The following GRM4 variants were observed in gnomAD, a reference collection of about 807,000 sequenced individuals.
The protein encoded by GRM4 is metabotropic glutamate receptor 4.
Under a neutral mutation model 81.7 loss-of-function variants are expected in GRM4, and 28 were observed. That is an observed-to-expected ratio of 0.34 (90% CI 0.25 to 0.47). The LOEUF (loss-of-function observed/expected upper bound fraction) is 0.47, where lower values mean the gene tolerates loss of function less well. Among genes scored for constraint, GRM4 ranks in the 20% least tolerant of loss-of-function variants. GRM4 has a pLI of 1.00. For synonymous variants in GRM4, 488 were observed against 528.8 expected (o/e 0.92, Z 1.06); for missense variants, 948 against 1,290.0 (o/e 0.73, Z 4.06).
At chr6:34,137,797 G>A (rs956846287) in intron 1 of GRM4, among the ~76,000 whole-genome samples, 38 of 129,572 alleles carry the variant, frequency 2.9e-4, no homozygotes, top group South Asian at 4.7e-4. Flanking sequence ...TCACTATGTC[G>A]CTTGCCCAGG....
In GRM4 at chr6:34,136,563, G is replaced by GGCGCGGACACACACAC. The variant is rs1554134962; in HGVS notation, c.-363-2705_-363-2704insGTGTGTGTGTCCGCGC. 1.4e-5 allele frequency among the ~76,000 whole-genome samples: 2 copies of GGCGCGGACACACACAC among 142,430 alleles called. No homozygotes were observed. Among genetic ancestry groups the GGCGCGGACACACACAC allele is most frequent in the Non-Finnish European group, 3.0e-5 (2 of 66,278 alleles). The allele number at this position is 142,430 out of a possible 152,430, so 93.4% of individuals were successfully genotyped here. A position where few individuals can be genotyped will look rare whatever the true frequency, so the allele number is the denominator to read the frequency against. On this transcript the variant is annotated intron_variant, in intron 1 of 10. Transcript: ENST00000538487. This position sits in a 1 kb window ranked among gnomAD's most constrained non-coding sequence, Gnocchi z 4.1. ...GCTGAGCAGTGCATGCGCGCGTGCG[G>GGCGCGGACACACACAC]ACACACACACACACACACACACACA...
At position 34,059,114 on chromosome 6, in the gene GRM4, G is replaced by T; in HGVS notation, c.887C>A (p.Ala296Glu). The change falls in exon 5 of 11, where the codon GCA (alanine) becomes GAA (glutamate). Residue 296 changes from alanine (A) to glutamate (E), a missense_variant. Physicochemically the swap from Ala to Glu is moderately radical, Grantham distance 107. Transcript: ENST00000538487. This position sits in a 1 kb window ranked among gnomAD's most constrained non-coding sequence, Gnocchi z 5.7. ...GCCTGTCTGGTTGGCCCTTCGTGCT[G>T]CCTCCAGCACACGCCTGTAGGAACA... is the stretch of plus-strand genomic sequence containing the variant. ...NEDDIRRVLEAARRANQTGHF... is the reference protein window; with the variant it reads ...NEDDIRRVLEEARRANQTGHF... 1 of 1,613,370 alleles carries T rather than the reference G, an allele frequency of 6.2e-7. No individual in the cohort carries two copies. Among genetic ancestry groups the T allele is most frequent in the Non-Finnish European group, 8.5e-7 (1 of 1,179,942 alleles).
upstream of GRM4, chr6:34,146,254 G>A (rs1449514272): frequency 1.8e-6 from 1 of 547,394 alleles, no homozygotes; most frequent in Non-Finnish European, 2.3e-6. Flanking sequence ...GCCCAGTGAG[G>A]TGACTCCACT....
chr6:34,102,760 CA>C (rs1768907225), intron 2 of GRM4, among the ~76,000 whole-genome samples: 1 of 152,240 alleles, frequency 6.6e-6, no homozygotes, highest in African/African-American at 2.4e-5. Context: ...ATTCATTGAA[CA>C]AAGGGGACAC....
intron 2 of GRM4, among the ~76,000 whole-genome samples, chr6:34,104,013 A>T (rs9469714): frequency 0.22 from 33,686 of 152,216 alleles, 4,494 homozygotes; most frequent in Admixed American, 0.3. Flanking sequence ...GCCCCGAGGT[A>T]GGAAGCCAGA....
chr6:34,135,546 C>T (rs1770423080), intron 1 of GRM4, among the ~76,000 whole-genome samples: 1 of 152,264 alleles, frequency 6.6e-6, no homozygotes, highest in South Asian at 2.1e-4. Context: ...TTTCATAATA[C>T]CACCCTCTCC....
At position 34,090,590 on chromosome 6, in the gene GRM4, T is replaced by C. The variant is rs1055747613; in HGVS notation, c.736+1293A>G. On this transcript the variant is annotated intron_variant, in intron 3 of 10. Coordinates refer to ENST00000538487, the MANE Select transcript of GRM4 (RefSeq NM_000841.4). This position sits in a 1 kb window ranked among gnomAD's most constrained non-coding sequence, Gnocchi z 5.2. ...CTTTTGCTCTGCCAGGCTGCAGAAG[T>C]GGGGAGTAGCCTGGAGCCTCAGCCA... Among the ~76,000 whole-genome samples the C allele has an allele frequency of 1.3e-5, 2 of 151,992 alleles. No individual in the cohort carries two copies. Among genetic ancestry groups the C allele is most frequent in the African/African-American group, 4.8e-5 (2 of 41,358 alleles).
chr6:34,048,945 G>A lies in GRM4; in HGVS notation c.1168+7599C>T, dbSNP rs975883606. 6.6e-6 allele frequency among the ~76,000 whole-genome samples: 1 copy of A among 152,092 alleles called. No homozygotes were observed. The highest frequency in any genetic ancestry group is 1.5e-5 in the Non-Finnish European group (1 of 68,010). On this transcript the variant is annotated intron_variant, in intron 6 of 10. Transcript: ENST00000538487. The surrounding 1 kb of genome is among the most constrained non-coding windows in gnomAD (Gnocchi z 4.0). ...GTCTTCATAAATTACCCAGTCTAAG[G>A]TAGTTCTTTATAGCAGCGTGAGAAC...
At chr6:34,053,679 C>G (rs999808159) in intron 6 of GRM4, among the ~76,000 whole-genome samples, 1 of 152,246 alleles carries the variant, frequency 6.6e-6, no homozygotes. Flanking sequence ...CCCTCCAAGC[C>G]AGAGGCTCGC....
chr6:34,110,186 C>G (rs1193861858), intron 2 of GRM4, among the ~76,000 whole-genome samples: 2 of 151,664 alleles, frequency 1.3e-5, no homozygotes, highest in Non-Finnish European at 2.9e-5. Context: ...TCCAGCTACT[C>G]GGGAAGCTGA....
At chr6:34,073,544 G>A (rs1458252657) in intron 3 of GRM4, among the ~76,000 whole-genome samples, 3 of 151,814 alleles carry the variant, frequency 2.0e-5, no homozygotes, top group South Asian at 2.1e-4. Context: ...ACCACACACA[G>A]ACACAGGTAA....
chr6:34,055,299 C>A (rs1195530035), intron 6 of GRM4: 2 of 152,208 alleles, frequency 1.3e-5, no homozygotes, highest in Non-Finnish European at 2.9e-5. Context: ...CAGGTGTATA[C>A]ACAAACACTG....
rs112945445 is a variant in GRM4, at chr6:34,069,975, G to A, written c.737-7947C>T. Among the ~76,000 whole-genome samples the A allele has an allele frequency of 0.017, 2,649 of 152,294 alleles. 65 individuals carry two copies. Among genetic ancestry groups the A allele is most frequent in the East Asian group, 0.079 (411 of 5,176 alleles). The stretch of plus-strand genomic sequence containing the variant: ...GCCTTACAGAGCCCAGGACACGTGC[G>A]GGGCCTGCCCAGGACGGCGGTAATC... On this transcript the variant is annotated intron_variant, in intron 3 of 10. Coordinates refer to ENST00000538487, the MANE Select transcript of GRM4 (RefSeq NM_000841.4). This position sits in a 1 kb window ranked among gnomAD's most constrained non-coding sequence, Gnocchi z 6.4.
In GRM4 at chr6:34,103,672, C is replaced by T. The variant is rs1435130975; in HGVS notation, c.520-11573G>A. The T allele has an allele frequency of 3.3e-6, 5 of 1,535,472 alleles. No homozygotes were observed. The East Asian group carries it at 7.3e-5, about 23-fold the overall frequency. ...AGCCCAGGCAGGCAGGGCAGAGGCC[C>T]AGCAAGGAGCCCCAAGGGGCACAGC... On this transcript the variant is annotated intron_variant, in intron 2 of 10. Transcript: ENST00000538487.
intron 6 of GRM4, among the ~76,000 whole-genome samples, chr6:34,050,129 GCCT>G (rs1765540415): frequency 6.6e-6 from 1 of 152,112 alleles, no homozygotes; most frequent in South Asian, 2.1e-4. Flanking sequence ...AGCCACACTG[GCCT>G]CCTCATTGCT....
At chr6:34,145,598 G>C (rs1770896571) in intron 1 of GRM4, among the ~76,000 whole-genome samples, 1 of 152,206 alleles carries the variant, frequency 6.6e-6, no homozygotes, top group Non-Finnish European at 1.5e-5. Context: ...GAGCGAGCGA[G>C]AGAGGGAGCG....
intron 2 of GRM4, among the ~76,000 whole-genome samples, chr6:34,107,308 G>A (rs1399357922): frequency 6.6e-6 from 1 of 152,138 alleles, no homozygotes; most frequent in African/African-American, 2.4e-5. Flanking sequence ...GGGGAGAGGC[G>A]ATATGGCTCC....
In GRM4 at chr6:34,121,250, C is replaced by T. The variant is rs1394182485; in HGVS notation, c.519+11728G>A. 6.6e-6 allele frequency among the ~76,000 whole-genome samples: 1 copy of T among 152,172 alleles called. No individual in the cohort carries two copies. The highest frequency in any genetic ancestry group is 1.5e-5 in the Non-Finnish European group (1 of 68,032). ...GACTCCTTCCCTGGCTAGGGTCTCC[C>T]AGCTGGAATTCATTCCCTGGGATTA... On this transcript the variant is annotated intron_variant, in intron 2 of 10. Transcript: ENST00000538487. The surrounding 1 kb of genome is among the most constrained non-coding windows in gnomAD (Gnocchi z 4.6).
At chr6:34,071,413 GAC>G (rs1175651644) in intron 3 of GRM4, among the ~76,000 whole-genome samples, 1 of 6,672 alleles carries the variant, frequency 1.5e-4, no homozygotes, top group Non-Finnish European at 2.9e-4. Flanking sequence ...ACACCACACA[GAC>G]ACACACATCA....
Sources: gnomAD v4.1 joint callset for allele counts (sites outside exome capture counted in the v4.1 genomes callset) on GRCh38, gnomAD v4.1.1 for gene constraint, Gnocchi (gnomAD v3.1) non-coding constraint, MANE v1.5 for transcripts, NCBI Gene and HGNC (gene_info 2026-07-23, HGNC 2026-07-21) for gene names.